Variants in CUX1 observed in about 807,000 individuals in gnomAD.
CUX1 encodes protein CASP.
CUX1 carries 31 observed loss-of-function variants against 158.8 expected under a neutral mutation model. The ratio of observed to expected loss-of-function variants is 0.20; its 90% CI spans 0.15 to 0.26. The LOEUF is 0.26. Among genes scored for constraint, CUX1 ranks in the 10% least tolerant of loss-of-function variants. The pLI is 1.00. For missense variants in CUX1, 1,589 were observed against 2,014.6 expected, an observed-to-expected ratio of 0.79 and a Z score of 4.04; for synonymous variants, 879 against 862.1, an observed-to-expected ratio of 1.02 and a Z score of -0.34.
intron 21 of CUX1, 75 bp from the exon 22 acceptor site, chr7:102,233,977 C>T: frequency 8.0e-7 from 1 of 1,242,774 alleles, no homozygotes; most frequent in Non-Finnish European, 1.1e-6. Context: ...CTGATTTTAA[C>T]CTTGACACGT....
chr7:101,984,129 TACACAC>T (rs56087090), intron 2 of CUX1, among the ~76,000 whole-genome samples: 474 of 28,928 alleles, frequency 0.016, 28 homozygotes, highest in African/African-American at 0.061. Context: ...TATATATATA[TACACAC>T]ACACATATAT....
chr7:101,869,869 G>A lies in CUX1; in HGVS notation c.31-46246G>A, dbSNP rs111478464. On this transcript the variant is annotated intron_variant, in intron 1 of 23. Coordinates refer to ENST00000292535, the MANE Select transcript of CUX1 (RefSeq NM_181552.4). This position sits in a 1 kb window ranked among gnomAD's most constrained non-coding sequence, Gnocchi z 4.5. ...AAATCCTCTTGTTAAGACGCGCTCC[G>A]CCCCTGTGTCCTTATTTCCCACCGT... Among the ~76,000 whole-genome samples, 74 of 152,192 alleles carry A rather than the reference G, an allele frequency of 4.9e-4. No homozygotes were observed. The highest frequency in any genetic ancestry group is 8.5e-4 in the Non-Finnish European group (58 of 67,996).
chr7:102,237,313 G>A (rs1185048608), intron 22 of CUX1, among the ~76,000 whole-genome samples: 1 of 151,812 alleles, frequency 6.6e-6, no homozygotes, highest in African/African-American at 2.4e-5. Flanking sequence ...CTGCAGCCTC[G>A]GTGTTCTGGG....
intron 7 of CUX1, among the ~76,000 whole-genome samples, chr7:102,114,142 A>G (rs1554491121): frequency 6.6e-6 from 1 of 152,244 alleles, no homozygotes; most frequent in Non-Finnish European, 1.5e-5. Flanking sequence ...GCCCAGGGAA[A>G]AAGGCTAGTC....
intron 15 of CUX1, among the ~76,000 whole-genome samples, chr7:102,273,800 G>T (rs560158593): frequency 5.2e-4 from 79 of 152,378 alleles, no homozygotes; most frequent in African/African-American, 1.8e-3. Flanking sequence ...CCATCTCCCA[G>T]CTAAAGGACC....
chr7:101,830,536 G>A (rs1010027034), intron 1 of CUX1, among the ~76,000 whole-genome samples: 14 of 152,208 alleles, frequency 9.2e-5, no homozygotes, highest in African/African-American at 3.1e-4. Context: ...CTCTGCAACC[G>A]CGAACTCCCA....
intron 9 of CUX1, among the ~76,000 whole-genome samples, chr7:102,168,383 C>T (rs1447956452): frequency 3.3e-5 from 5 of 152,208 alleles, no homozygotes; most frequent in African/African-American, 1.2e-4. Context: ...CGCGGTGGCT[C>T]ATGCCTGTAA....
chr7:102,017,530 C>G (rs1453998001), intron 2 of CUX1, among the ~76,000 whole-genome samples: 1 of 152,130 alleles, frequency 6.6e-6, no homozygotes, highest in Non-Finnish European at 1.5e-5. Context: ...AGTTAATGCT[C>G]AAATGGTTTT....
rs545610836 is a variant in CUX1, at chr7:102,137,389, G to A, written c.675-21171G>A. Among the ~76,000 whole-genome samples the A allele has an allele frequency of 2.7e-4, 41 of 152,152 alleles. No individual in the cohort carries two copies. The East Asian group carries it at 5.0e-3, about 19-fold the overall frequency. ...GGTGGCTCACACCTGTAATCCCAGC[G>A]CTTTGGGAGGTTGAGGCAGGCGGAT... On this transcript the variant is annotated intron_variant, in intron 8 of 23. Coordinates refer to ENST00000292535, the MANE Select transcript of CUX1 (RefSeq NM_181552.4).
At chr7:102,231,968 C>T (rs1284193975) in intron 21 of CUX1, among the ~76,000 whole-genome samples, 6 of 151,544 alleles carry the variant, frequency 4.0e-5, no homozygotes, top group Non-Finnish European at 8.8e-5. Context: ...CCACCTTGGC[C>T]TTGCAAAGTG....
rs1826376206 is a variant in CUX1, at chr7:102,073,461, C to T, written c.268+3044C>T. ...GCGCTAGGATTACAGGCGTGAGCCA[C>T]CATGCCCAGCCTAGCTGCTGTTTTC... On this transcript the variant is annotated intron_variant, in intron 4 of 23. Transcript: ENST00000292535. Among the ~76,000 whole-genome samples the T allele has an allele frequency of 2.0e-5, 3 of 152,134 alleles. No individual in the cohort carries two copies. The South Asian group carries it at 6.2e-4, about 32-fold the overall frequency.
Position 101,916,303 on chromosome 7 carries a change from G to T in CUX1, c.141+78G>T. 2.1e-6 allele frequency: 2 copies of T among 935,360 alleles called. No individual in the cohort carries two copies. Among genetic ancestry groups the T allele is most frequent in the Non-Finnish European group, 3.5e-6 (2 of 570,268 alleles). The allele number at this position is 935,360 out of a possible 1,614,324, so 57.9% of individuals were successfully genotyped here. A position where few individuals can be genotyped will look rare whatever the true frequency, so the allele number is the denominator to read the frequency against. ...CATGTTCAGGCGACGCTCCGTGAGC[G>T]TTTCATTTTCATCAGATGAACGCAC... On this transcript the variant is annotated intron_variant, in intron 2 of 23. Transcript: ENST00000292535. The surrounding 1 kb of genome is among the most constrained non-coding windows in gnomAD (Gnocchi z 4.4).
At chr7:102,104,509 AACTTC>A (rs1554487797) in intron 6 of CUX1, 50 bp downstream of exon 6, 2 of 1,595,392 alleles carry the variant, frequency 1.3e-6, no homozygotes, top group Non-Finnish European at 1.7e-6. Flanking sequence ...TTTGCCCCTG[AACTTC>A]ACATCATCAG....
chr7:102,068,899 T>C (rs1016485340), intron 3 of CUX1, among the ~76,000 whole-genome samples: 10 of 152,200 alleles, frequency 6.6e-5, no homozygotes, highest in Non-Finnish European at 1.2e-4. Context: ...GGCAGGCTCT[T>C]TGCATATGCG....
At chr7:102,119,388 C>A (rs1421943755) in intron 8 of CUX1, among the ~76,000 whole-genome samples, 1 of 152,184 alleles carries the variant, frequency 6.6e-6, no homozygotes, top group Non-Finnish European at 1.5e-5. Flanking sequence ...GCTGGGACAG[C>A]ACGGGCTGAC....
rs543143073 is a variant in CUX1 at position 102,072,505 on chromosome 7, T to C, written c.268+2088T>C. On this transcript the variant is annotated intron_variant, in intron 4 of 23. Transcript: ENST00000292535. ...TGGTTGGTTGCAACCAATCAGAGGC[T>C]GAAGTTACAAAGTTACGCTTCTCTG... Among the ~76,000 whole-genome samples, 11 of 152,380 alleles carry C rather than the reference T, an allele frequency of 7.2e-5. No individual in the cohort carries two copies. In the East Asian group the frequency reaches 1.9e-3, roughly 27 times the overall value.
chr7:102,248,296 G>A lies in CUX1; in HGVS notation c.3888-116G>A. On this transcript the variant is annotated intron_variant, in intron 23 of 23. Coordinates refer to ENST00000292535, the MANE Select transcript of CUX1 (RefSeq NM_181552.4). This position sits in a 1 kb window ranked among gnomAD's most constrained non-coding sequence, Gnocchi z 5.8. ...GAGGGTCGCTGGAGGGGCACGGAGG[G>A]GCCTCCAGGCTGGACGGAGCAGGAG... 1.0e-6 allele frequency: 1 copy of A among 972,368 alleles called. No individual in the cohort carries two copies. Among genetic ancestry groups the A allele is most frequent in the Non-Finnish European group, 1.5e-6 (1 of 689,112 alleles). 60.2% of individuals were successfully genotyped at this position (972,368 alleles called of 1,614,324 possible).
chr7:102,165,435 C>G, intron 9 of CUX1, among the ~76,000 whole-genome samples: 1 of 150,724 alleles, frequency 6.6e-6, no homozygotes, highest in South Asian at 2.1e-4. Flanking sequence ...TCACTGCACC[C>G]TCCCCCTCCC....
intron 14 of CUX1, among the ~76,000 whole-genome samples, chr7:102,196,153 T>A (rs1254574555): frequency 6.6e-6 from 1 of 152,222 alleles, no homozygotes; most frequent in East Asian, 1.9e-4. Flanking sequence ...CGGGCTCTAA[T>A]GGTATTGCAT....
Sources: allele counts gnomAD v4.1 joint callset (sites outside exome capture counted in the v4.1 genomes callset), GRCh38; gene constraint gnomAD v4.1.1; non-coding constraint Gnocchi (gnomAD v3.1); transcripts MANE v1.5; gene names NCBI Gene and HGNC (gene_info 2026-07-23, HGNC 2026-07-21).